Variants in PLEC observed in about 807,000 individuals in gnomAD.
The protein encoded by PLEC is hemidesmosomal protein 1.
Under a neutral mutation model 392.8 loss-of-function variants are expected in PLEC, and 216 were observed. The ratio of observed to expected loss-of-function variants is 0.55; its 90% CI spans 0.49 to 0.62. The LOEUF (loss-of-function observed/expected upper bound fraction) is 0.62, where lower values mean the gene tolerates loss of function less well. Among genes scored for constraint, PLEC ranks in the 20% least tolerant of loss-of-function variants. The pLI is 0.00. For missense variants in PLEC, 6,863 were observed against 6,563.4 expected, an observed-to-expected ratio of 1.05 and a Z score of -1.58; for synonymous variants, 3,621 against 2,980.6, an observed-to-expected ratio of 1.21 and a Z score of -7.00.
At position 143,925,686 on chromosome 8, in the gene PLEC, T is replaced by TCTG; in HGVS notation, c.4240_4242dup (p.Gln1414dup). On this transcript the variant is annotated inframe_insertion, in exon 31 of 32. Coordinates refer to ENST00000345136, the MANE Select transcript of PLEC (RefSeq NM_201384.3). ...TGCAGCTCCTCCTGAATGCTGCGCT[T>TCTG]CTGCTGCTGCGCGTCCACCGCCGCC... 3 of 1,591,980 alleles carry TCTG rather than the reference T, an allele frequency of 1.9e-6. No individual in the cohort carries two copies. The highest frequency in any genetic ancestry group is 2.5e-6 in the Non-Finnish European group (3 of 1,176,494).
At chr8:143,944,761 G>A (rs1330106372) in intron 1 of PLEC, 23 of 1,247,532 alleles carry the variant, frequency 1.8e-5, no homozygotes, top group Admixed American at 1.6e-4. Context: ...TGGCGGCAGC[G>A]TCGGGTGGGA....
chr8:143,934,163 GCCT>G, intron 11 of PLEC, 72 bp from the exon 12 acceptor site: 1 of 1,585,696 alleles, frequency 6.3e-7, no homozygotes, highest in Non-Finnish European at 8.6e-7. Flanking sequence ...ACTGCAGCTC[GCCT>G]CCCGCTCCGG....
Position 143,969,102 on chromosome 8 carries a change from C to T in PLEC, c.70+4301G>A, listed in dbSNP as rs371396087. Among the ~76,000 whole-genome samples the T allele has an allele frequency of 3.3e-5, 5 of 152,298 alleles. No homozygotes were observed. In the East Asian group the frequency reaches 7.7e-4, roughly 23 times the overall value. On this transcript the variant is annotated intron_variant, in intron 1 of 31. Transcript: ENST00000356346. This position sits in a 1 kb window ranked among gnomAD's most constrained non-coding sequence, Gnocchi z 5.1. Reference sequence around the variant, plus strand: ...ACTCATAACAGCCAAAAGGTGGAAACAACCCACTATCCGTCAACTGATAAA... The same window carrying T: ...ACTCATAACAGCCAAAAGGTGGAAATAACCCACTATCCGTCAACTGATAAA...
In PLEC at chr8:143,924,387, G is replaced by A; in HGVS notation, c.5542C>T (p.Leu1848Phe). The A allele has an allele frequency of 2.5e-6, 4 of 1,595,644 alleles. No homozygotes were observed. The highest frequency in any genetic ancestry group is 3.4e-6 in the Non-Finnish European group (4 of 1,178,166). The change falls in exon 31 of 32, where the codon CTC becomes TTC. Residue 1848 changes from leucine to phenylalanine, a missense_variant. Transcript: ENST00000345136. ...KLAAIGEATR[L>F]KTEAEIALKE... is the part of the protein sequence containing the mutation. ...AGCGCGATCTCCGCCTCCGTCTTGAGCCGCGTGGCCTCGCCGATGGCGGCC... is the reference window on the plus strand; with the variant it reads ...AGCGCGATCTCCGCCTCCGTCTTGAACCGCGTGGCCTCGCCGATGGCGGCC...
rs1554716579 is a variant in PLEC at position 143,932,223 on chromosome 8, C to T, written c.1989G>A (p.Arg663=). 6.2e-7 allele frequency: 1 copy of T among 1,612,260 alleles called. No homozygotes were observed. Among genetic ancestry groups the T allele is most frequent in the East Asian group, 2.2e-5 (1 of 44,872 alleles). The change falls in exon 17 of 32, where the codon CGG becomes CGA. Residue 663 remains arginine, a synonymous_variant. Coordinates refer to ENST00000345136, the MANE Select transcript of PLEC (RefSeq NM_201384.3). ...TCTTCTTCTCCTTCAGCTCCAGCTC[C>T]CGCATCAGCGCCTGGCACCAGAGCA... ...AKKESYSALM[R]ELELKEKKIK...
intron 1 of PLEC, among the ~76,000 whole-genome samples, chr8:143,961,415 A>G (rs1356006271): frequency 6.6e-6 from 1 of 152,134 alleles, no homozygotes; most frequent in Non-Finnish European, 1.5e-5. Context: ...TAGTAGAGAC[A>G]GCGTTTCACC....
In PLEC at chr8:143,923,828, C is replaced by T. The variant is rs782125805; in HGVS notation, c.6101G>A (p.Arg2034Gln). Residue 2034 changes from arginine (R) to glutamine (Q), a missense_variant, in exon 31 of 32, where the codon CGG (arginine) becomes CAG (glutamine). Arg to Gln is a conservative substitution (Grantham distance 43). Transcript: ENST00000345136. ...GGCCTCCTGGGCCAGCTGCAGCTGC[C>T]GCGCCGACTCCTGCTCCGCTCGCTC... ...LRERAEQESA[R>Q]QLQLAQEAAQ... 37 of 1,585,338 alleles carry T rather than the reference C, an allele frequency of 2.3e-5. No individual in the cohort carries two copies. Among genetic ancestry groups the T allele is most frequent in the Middle Eastern group, 1.7e-4 (1 of 5,928 alleles).
At chr8:143,935,171 A>T in intron 7 of PLEC, 27 bp downstream of exon 7, 2 of 1,611,390 alleles carry the variant, frequency 1.2e-6, no homozygotes, top group Non-Finnish European at 1.7e-6. Flanking sequence ...AGGGGAAGGG[A>T]CAGGGAGGAA....
Position 143,924,880 on chromosome 8 carries a change from G to A in PLEC, c.5049C>T (p.Ala1683=), listed in dbSNP as rs782800885. 2.0e-5 allele frequency: 32 copies of A among 1,589,034 alleles called. No individual in the cohort carries two copies. Among genetic ancestry groups the A allele is most frequent in the South Asian group, 4.5e-5 (4 of 89,852 alleles). Residue 1683 remains alanine (A), a synonymous_variant, in exon 31 of 32, where the codon GCC becomes GCT. Coordinates refer to ENST00000345136, the MANE Select transcript of PLEC (RefSeq NM_201384.3). ...GTTCAGCCAGCTCCCGCTGCCGGAC[G>A]GCCTGCTCCTCCGCCTTGCCGCGCC... ...ARRRGKAEEQ[A]VRQRELAEQE...
In PLEC at chr8:143,927,760, G is replaced by A. The variant is rs782622571; in HGVS notation, c.3406C>T (p.Arg1136Trp). 1.0e-5 allele frequency: 16 copies of A among 1,599,404 alleles called. No individual in the cohort carries two copies. Among genetic ancestry groups the A allele is most frequent in the South Asian group, 7.8e-5 (7 of 89,250 alleles). The stretch of plus-strand genomic sequence containing the variant: ...GGCTGCTGTGCCTCGGCCTGGGCCC[G>A]CAGCTTCTGTTGGGGACAGGAGGGA... ...EATKASLKKLRAQAEAQQPTF... is the reference protein window; with the variant it reads ...EATKASLKKLWAQAEAQQPTF... Residue 1136 changes from arginine (R) to tryptophan (W), a missense_variant, in exon 27 of 32, where the codon CGG (arginine) becomes TGG (tryptophan). Arg to Trp is a moderately radical substitution (Grantham distance 101). Transcript: ENST00000345136.
At chr8:143,938,878 G>C (rs945215885) in intron 1 of PLEC, among the ~76,000 whole-genome samples, 186 bp from the exon 2 acceptor site, 17 of 152,044 alleles carry the variant, frequency 1.1e-4, no homozygotes, top group Non-Finnish European at 1.5e-4. Flanking sequence ...CAGAGACCCA[G>C]GTGCCAGGGG....
In PLEC at chr8:143,934,845, C is replaced by T; in HGVS notation, c.910G>A (p.Glu304Lys). The change falls in exon 9 of 32, where the codon GAA becomes AAA. Residue 304 changes from glutamate (E) to lysine (K), a missense_variant. Transcript: ENST00000345136. ...WMRHHTAAFE[E>K]RRFPSSFEEI... is the part of the protein sequence containing the mutation. ...TCGAAGCTGGAGGGGAACCTGCGTT[C>T]CTCAAAGGCGGCCGTGTGGTGTCGC... 1 of 1,611,558 alleles carries T rather than the reference C, an allele frequency of 6.2e-7. No homozygotes were observed.
In PLEC at chr8:143,916,105, T is replaced by C. The variant is rs1438640582; in HGVS notation, c.*72A>G. ...CTTGGGAGGAAGACACCTTTAAGCG[T>C]TGAAAACGGCCCCCGCGCCTCGGTG... On this transcript the variant is annotated 3_prime_UTR_variant, in exon 32 of 32. Coordinates refer to ENST00000345136, the MANE Select transcript of PLEC (RefSeq NM_201384.3). 3 of 1,159,918 alleles carry C rather than the reference T, an allele frequency of 2.6e-6. No homozygotes were observed. Among genetic ancestry groups the C allele is most frequent in the South Asian group, 1.6e-5 (1 of 62,334 alleles). 71.9% of individuals were successfully genotyped at this position (1,159,918 alleles called of 1,614,324 possible).
At position 143,936,971 on chromosome 8, in the gene PLEC, CG is replaced by C; in HGVS notation, c.435+7del. On this transcript the variant is annotated splice_region_variant and intron_variant, in intron 5 of 31. Coordinates refer to ENST00000345136, the MANE Select transcript of PLEC (RefSeq NM_201384.3). ...AGGGGGTGGGGGTCCTGGGGGCAGC[CG>C]TTCTACCTGGAAGTGCAGAATGATT... 1 of 1,606,244 alleles carries C rather than the reference CG, an allele frequency of 6.2e-7. No homozygotes were observed. The highest frequency in any genetic ancestry group is 8.5e-7 in the Non-Finnish European group (1 of 1,174,020).
At chr8:143,953,989 G>A (rs541954913), upstream of PLEC, 237 of 1,218,502 alleles carry the variant, frequency 1.9e-4, 1 homozygote, top group African/African-American at 3.7e-3. Flanking sequence ...CCAGCCTGTG[G>A]TTCTGGGGCA....
rs1554712049 is a variant in PLEC, at chr8:143,929,795, G to A, written c.2774C>T (p.Ala925Val). Residue 925 changes from alanine to valine, a missense_variant, in exon 23 of 32, where the codon GCC becomes GTC. Ala to Val is a moderately conservative substitution (Grantham distance 64, BLOSUM62 0). Coordinates refer to ENST00000345136, the MANE Select transcript of PLEC (RefSeq NM_201384.3). ...RTLKPEEQRQ[A>V]LHSLELHYQA... is the part of the protein sequence containing the mutation. ...GTAGTGCAGCTCCAGGCTGTGCAGGGCTTGGCGCTGCTCCTCTGGCTTCAG... is the reference window on the plus strand; with the variant it reads ...GTAGTGCAGCTCCAGGCTGTGCAGGACTTGGCGCTGCTCCTCTGGCTTCAG... 6.3e-7 allele frequency: 1 copy of A among 1,599,580 alleles called. No homozygotes were observed. The highest frequency in any genetic ancestry group is 8.5e-7 in the Non-Finnish European group (1 of 1,178,560).
Position 143,918,624 on chromosome 8 carries a change from G to C in PLEC, c.11197C>G (p.Leu3733Val). The C allele has an allele frequency of 6.2e-7, 1 of 1,612,824 alleles. No individual in the cohort carries two copies. The highest frequency in any genetic ancestry group is 8.5e-7 in the Non-Finnish European group (1 of 1,180,024). ...CGCTCCCCCTTCACCGGGTCCAGCA[G>C]GAAGCCTGTGGCTGCCTGTGCCTCC... ...LLEAQAATGFLLDPVKGERLT... is the reference protein window; with the variant it reads ...LLEAQAATGFVLDPVKGERLT... Residue 3733 changes from leucine (L) to valine (V), a missense_variant, in exon 32 of 32, where the codon CTG (leucine) becomes GTG (valine). Physicochemically the swap from Leu to Val is conservative, Grantham distance 32. Transcript: ENST00000345136.
At position 143,934,002 on chromosome 8, in the gene PLEC, T is replaced by A; in HGVS notation, c.1259A>T (p.Gln420Leu). Reference sequence around the variant, plus strand: ...GCCTGCCCCACACCCCCTCACCGACTGCAGCAGGGCGTCGGCCTGGTTCAG... The same window carrying A: ...GCCTGCCCCACACCCCCTCACCGACAGCAGCAGGGCGTCGGCCTGGTTCAG... ...EQLNQADALL[Q>L]SDVRLLAAGK... is the part of the protein sequence containing the mutation. Residue 420 changes from glutamine to leucine, a missense_variant, in exon 12 of 32, where the codon CAG becomes CTG. Transcript: ENST00000345136. The A allele has an allele frequency of 1.3e-6, 2 of 1,594,054 alleles. No homozygotes were observed. The highest frequency in any genetic ancestry group is 1.7e-6 in the Non-Finnish European group (2 of 1,170,520).
In PLEC at chr8:143,916,534, G is replaced by A. The variant is rs782581005; in HGVS notation, c.13287C>T (p.Gly4429=). ...ARTAQKLRDV[G]AYSKYLTCPK... ...GGCAGGTGAGGTACTTGGAGTAGGC[G>A]CCCACGTCACGCAGCTTCTGTGCGG... Residue 4429 remains glycine (G), a synonymous_variant, in exon 32 of 32, where the codon GGC becomes GGT. Coordinates refer to ENST00000345136, the MANE Select transcript of PLEC (RefSeq NM_201384.3). 1.2e-5 allele frequency: 19 copies of A among 1,611,640 alleles called. No homozygotes were observed. Among genetic ancestry groups the A allele is most frequent in the East Asian group, 4.5e-5 (2 of 44,824 alleles).
Sources: gnomAD v4.1 joint callset for allele counts (sites outside exome capture counted in the v4.1 genomes callset) on GRCh38, gnomAD v4.1.1 for gene constraint, Gnocchi (gnomAD v3.1) non-coding constraint, MANE v1.5 for transcripts, NCBI Gene and HGNC (gene_info 2026-07-23, HGNC 2026-07-21) for gene names.